Variants in DDX19A observed in about 807,000 individuals in gnomAD.
The protein encoded by DDX19A is DEAD-box helicase 19A.
In DDX19A, 12 loss-of-function variants were observed where a neutral mutation model predicts 60.6. That is an observed-to-expected ratio of 0.20 (90% CI 0.13 to 0.32). DDX19A has a LOEUF of 0.32. Ranked by LOEUF, DDX19A falls within the 10% of genes least tolerant of loss-of-function variation. The pLI is 1.00. For synonymous variants in DDX19A, 206 were observed against 218.2 expected, an observed-to-expected ratio of 0.94 and a Z score of 0.49; for missense variants, 337 against 600.6, an observed-to-expected ratio of 0.56 and a Z score of 4.59.
chr16:70,370,937 G>C, intron 10 of DDX19A: 1 of 245,268 alleles, frequency 4.1e-6, no homozygotes. Context: ...TGGAGGTTAC[G>C]GTGAGTGAGA....
chr16:70,349,444 T>TATCA (rs1315621973), intron 1 of DDX19A, among the ~76,000 whole-genome samples: 1 of 152,202 alleles, frequency 6.6e-6, no homozygotes, highest in African/African-American at 2.4e-5. Flanking sequence ...GACCCCCTCT[T>TATCA]ATCAGTTCTA....
chr16:70,350,634 A>G (rs1963982853), intron 2 of DDX19A, 29 bp downstream of exon 2: 1 of 1,581,490 alleles, frequency 6.3e-7, no homozygotes, highest in Non-Finnish European at 8.7e-7. Flanking sequence ...CAAGCTAGAA[A>G]AGAGTTCCAT....
At chr16:70,357,727 G>T (rs761596638) in intron 4 of DDX19A, among the ~76,000 whole-genome samples, 1 of 152,038 alleles carries the variant, frequency 6.6e-6, no homozygotes, top group Non-Finnish European at 1.5e-5. Context: ...AGGATTAAGT[G>T]TGGATCATTG....
At chr16:70,365,905 G>A in intron 7 of DDX19A, 180 bp from the exon 8 acceptor site, 1 of 824,308 alleles carries the variant, frequency 1.2e-6, no homozygotes. Context: ...AGTGCACTGA[G>A]ATAGGTGTCA....
In DDX19A at chr16:70,372,837, A is replaced by G. The variant is rs764432154; in HGVS notation, c.*851A>G. The G allele has an allele frequency of 6.6e-6, 1 of 152,240 alleles. No homozygotes were observed. The highest frequency in any genetic ancestry group is 1.5e-5 in the Non-Finnish European group (1 of 68,096). 9.4% of individuals were successfully genotyped at this position (152,240 alleles called of 1,614,324 possible). On this transcript the variant is annotated 3_prime_UTR_variant, in exon 12 of 12. Transcript: ENST00000302243. ...CCCCCAGGTGTCACACGGGGCCGAG[A>G]GCTGAGCAAGAATTTGGAATGGAAG...
intron 7 of DDX19A, chr16:70,365,805 A>G (rs1243274594): frequency 2.0e-6 from 1 of 501,778 alleles, no homozygotes; most frequent in African/African-American, 1.9e-5. Flanking sequence ...ATAAACATAA[A>G]AAGAGTTGGA....
chr16:70,346,978 C>T lies in DDX19A; in HGVS notation c.-14C>T, dbSNP rs775505678. On this transcript the variant is annotated 5_prime_UTR_variant, in exon 1 of 12. Transcript: ENST00000302243. ...GCGCATATTTTCACAAGTGGGTCTC[C>T]CTTGTCCGGGACTATGGCCACCGAC... is the stretch of plus-strand genomic sequence containing the variant. The T allele has an allele frequency of 1.9e-6, 3 of 1,611,092 alleles. No individual in the cohort carries two copies. The highest frequency in any genetic ancestry group is 2.2e-5 in the South Asian group (2 of 90,478).
chr16:70,369,815 T>G (rs1964629607), intron 9 of DDX19A, among the ~76,000 whole-genome samples: 1 of 151,624 alleles, frequency 6.6e-6, no homozygotes, highest in African/African-American at 2.4e-5. Flanking sequence ...TTGGCCATGT[T>G]CCCCAGGCTG....
chr16:70,355,866 G>A (rs1176019213), intron 3 of DDX19A: 5 of 590,938 alleles, frequency 8.5e-6, no homozygotes, highest in Non-Finnish European at 1.5e-5. Flanking sequence ...GGAGGCTGAG[G>A]TGGGACGATT....
rs2047285206 is a variant in DDX19A at position 70,372,245 on chromosome 16, A to G, written c.*259A>G. 5 of 576,762 alleles carry G rather than the reference A, an allele frequency of 8.7e-6. No individual in the cohort carries two copies. In the East Asian group the frequency reaches 1.2e-4, roughly 14 times the overall value. 35.7% of individuals were successfully genotyped at this position (576,762 alleles called of 1,614,324 possible). The stretch of plus-strand genomic sequence containing the variant: ...GCCACATTCCCCCATCTTTATAATA[A>G]TCTGGTCACAGTGGTAGTCGCTGGC... On this transcript the variant is annotated 3_prime_UTR_variant, in exon 12 of 12. Coordinates refer to ENST00000302243, the MANE Select transcript of DDX19A (RefSeq NM_018332.5).
chr16:70,364,695 C>T lies in DDX19A; in HGVS notation c.489+50C>T, dbSNP rs200494353. On this transcript the variant is annotated intron_variant, in intron 6 of 11. Coordinates refer to ENST00000302243, the MANE Select transcript of DDX19A (RefSeq NM_018332.5). ...CCTAGGTTGCCTGCCCTGGGGAGCG[C>T]AGTGCCATCTGGTGAGGAGTAACGA... The T allele has an allele frequency of 2.9e-6, 4 of 1,372,478 alleles. No individual in the cohort carries two copies. The African/African-American group carries it at 4.3e-5, about 15-fold the overall frequency. The allele number at this position is 1,372,478 out of a possible 1,614,324, so 85.0% of individuals were successfully genotyped here. A position where few individuals can be genotyped will look rare whatever the true frequency, so the allele number is the denominator to read the frequency against.
At chr16:70,351,272 C>CT (rs1964009251) in intron 2 of DDX19A, among the ~76,000 whole-genome samples, 1 of 151,860 alleles carries the variant, frequency 6.6e-6, no homozygotes, top group African/African-American at 2.4e-5. Context: ...GTGGCGTGAT[C>CT]TTGGCTCACT....
intron 2 of DDX19A, among the ~76,000 whole-genome samples, chr16:70,354,223 G>A (rs1276905657): frequency 6.6e-6 from 1 of 151,224 alleles, no homozygotes; most frequent in Non-Finnish European, 1.5e-5. Context: ...TCAGCTCACT[G>A]CAACCTCCGC....
In DDX19A at chr16:70,372,304, G is replaced by A. The variant is rs980720645; in HGVS notation, c.*318G>A. The A allele has an allele frequency of 3.3e-5, 15 of 454,818 alleles. No individual in the cohort carries two copies. Among genetic ancestry groups the A allele is most frequent in the Admixed American group, 2.5e-4 (7 of 27,634 alleles). 28.2% of individuals were successfully genotyped at this position (454,818 alleles called of 1,614,324 possible). On this transcript the variant is annotated 3_prime_UTR_variant, in exon 12 of 12. Transcript: ENST00000302243. The stretch of plus-strand genomic sequence containing the variant: ...CCCCTCCTGATTTTGGCTAGGCATC[G>A]TGGAACCAGCTCCAGCCCCTGAAGA...
intron 1 of DDX19A, among the ~76,000 whole-genome samples, chr16:70,348,504 T>C (rs1363321011): frequency 6.6e-6 from 1 of 151,714 alleles, no homozygotes; most frequent in African/African-American, 2.4e-5. Flanking sequence ...TCGTCCCCTG[T>C]TAATACCAGC....
At chr16:70,371,089 G>A (rs1011963573) in intron 10 of DDX19A, 2 of 572,510 alleles carry the variant, frequency 3.5e-6, no homozygotes, top group Non-Finnish European at 6.2e-6. Flanking sequence ...GACTGGTAGA[G>A]AACGGAGCCT....
At chr16:70,361,204 A>T (rs1211905721) in intron 4 of DDX19A, among the ~76,000 whole-genome samples, 3 of 152,224 alleles carry the variant, frequency 2.0e-5, no homozygotes, top group Non-Finnish European at 4.4e-5. Context: ...TATTTTATGA[A>T]TTATAGAATA....
At chr16:70,355,593 G>A (rs1287382750) in intron 3 of DDX19A, 58 bp downstream of exon 3, 5 of 1,357,810 alleles carry the variant, frequency 3.7e-6, no homozygotes, top group Non-Finnish European at 4.2e-6. Flanking sequence ...TTGCCTTCCT[G>A]GAGCCAGGGG....
chr16:70,372,037 G>T lies in DDX19A; in HGVS notation c.*51G>T, dbSNP rs774356242. 1.2e-6 allele frequency: 2 copies of T among 1,613,608 alleles called. No homozygotes were observed. The highest frequency in any genetic ancestry group is 1.3e-5 in the African/African-American group (1 of 74,936). On this transcript the variant is annotated 3_prime_UTR_variant, in exon 12 of 12. Coordinates refer to ENST00000302243, the MANE Select transcript of DDX19A (RefSeq NM_018332.5). ...GCCCTGGCACTGCCCCTGCACAGGA[G>T]ACAAGTGCATTTAGGGCACAGGCCC...
Sources: gnomAD v4.1 joint callset for allele counts (sites outside exome capture counted in the v4.1 genomes callset) on GRCh38, gnomAD v4.1.1 for gene constraint, MANE v1.5 for transcripts, NCBI Gene and HGNC (gene_info 2026-07-23, HGNC 2026-07-21) for gene names.